The following WDR70 variants were observed in gnomAD, a reference collection of about 807,000 sequenced individuals.
WDR70 encodes the protein WD repeat domain 70, also known as WD repeat-containing protein 70.
Under a neutral mutation model 88.6 loss-of-function variants are expected in WDR70, and 53 were observed. The ratio of observed to expected loss-of-function variants is 0.60; its 90% CI spans 0.48 to 0.75. The LOEUF (loss-of-function observed/expected upper bound fraction) is 0.75. WDR70 is among the 30% of genes least tolerant of loss of function. The pLI is 0.00. For missense variants in WDR70, 610 were observed against 823.2 expected (o/e 0.74, Z 3.17); for synonymous variants, 280 against 270.0 (o/e 1.04, Z -0.36).
At chr5:37,557,957 A>ACTCTTTTGAAAACTCTTCAAGAGTACTCT in intron 9 of WDR70, among the ~76,000 whole-genome samples, 7 of 139,252 alleles carry the variant, frequency 5.0e-5, no homozygotes, top group Non-Finnish European at 8.0e-5. Flanking sequence ...TCAAAAGAGT[A>ACTCTTTTGAAAACTCTTCAAGAGTACTCT]TTATGTATAT....
intron 10 of WDR70, among the ~76,000 whole-genome samples, chr5:37,623,094 A>G (rs1297089237): frequency 6.6e-6 from 1 of 152,200 alleles, no homozygotes; most frequent in African/African-American, 2.4e-5. Flanking sequence ...ATTAAAGACC[A>G]ATCAATGCTA....
intron 14 of WDR70, 70 bp downstream of exon 14, chr5:37,721,285 C>A (rs1214462560): frequency 2.9e-6 from 4 of 1,365,688 alleles, no homozygotes; most frequent in East Asian, 2.3e-5. Context: ...CTCCCACCCC[C>A]GCTTTTATTT....
At chr5:37,744,922 G>A (rs187487213) in intron 17 of WDR70, among the ~76,000 whole-genome samples, 2 of 152,180 alleles carry the variant, frequency 1.3e-5, no homozygotes, top group African/African-American at 4.8e-5. Context: ...GCAAATTCAG[G>A]AAATACAGAG....
At chr5:37,685,556 T>G (rs1746565237) in intron 10 of WDR70, among the ~76,000 whole-genome samples, 1 of 152,060 alleles carries the variant, frequency 6.6e-6, no homozygotes, top group African/African-American at 2.4e-5. Context: ...CCCCATCTGA[T>G]GGGCAAGACT....
rs141873532 is a variant in WDR70 at position 37,738,326 on chromosome 5, T to C, written c.1877+11281T>C. Among the ~76,000 whole-genome samples, 8 of 152,308 alleles carry C rather than the reference T, an allele frequency of 5.3e-5. No individual in the cohort carries two copies. The East Asian group carries it at 1.5e-3, about 29-fold the overall frequency. On this transcript the variant is annotated intron_variant, in intron 17 of 17. Transcript: ENST00000265107. The stretch of plus-strand genomic sequence containing the variant: ...TTATACTCATGTGCTGATGACTAAG[T>C]AATGCAAGTGATTTCGCCTCATACT...
At chr5:37,704,698 A>C (rs991006724) in intron 13 of WDR70, among the ~76,000 whole-genome samples, 1 of 152,186 alleles carries the variant, frequency 6.6e-6, no homozygotes, top group East Asian at 1.9e-4. Context: ...CTGGCACATA[A>C]ATAGCTCTTA....
In WDR70 at chr5:37,382,866, A is replaced by G. The variant is rs1325744093; in HGVS notation, c.175+1181A>G. On this transcript the variant is annotated intron_variant, in intron 3 of 17. Transcript: ENST00000265107. ...CGTCTTGACTGAAAATAGAAAAACT[A>G]TCTGGGTGTGGTGTTGGGCCCCTGT... Among the ~76,000 whole-genome samples the G allele has an allele frequency of 1.3e-5, 2 of 151,986 alleles. 1 individual carries two copies. Among genetic ancestry groups the G allele is most frequent in the East Asian group, 3.9e-4 (2 of 5,096 alleles).
intron 7 of WDR70, 44 bp downstream of exon 7, chr5:37,443,416 C>G (rs6451319): frequency 6.2e-7 from 1 of 1,607,006 alleles, no homozygotes; most frequent in Admixed American, 1.7e-5. Flanking sequence ...GACCTAATGT[C>G]TTCACATTGG....
At chr5:37,468,649 G>T (rs1739233892) in intron 7 of WDR70, among the ~76,000 whole-genome samples, 1 of 151,878 alleles carries the variant, frequency 6.6e-6, no homozygotes, top group Non-Finnish European at 1.5e-5. Context: ...ATACATTATT[G>T]TTAACTATAT....
intron 10 of WDR70, among the ~76,000 whole-genome samples, chr5:37,643,355 A>C (rs1318061207): frequency 3.9e-5 from 6 of 151,966 alleles, no homozygotes; most frequent in Admixed American, 3.9e-4. Context: ...GTCTATTTTT[A>C]TGCCAGTACC....
intron 6 of WDR70, among the ~76,000 whole-genome samples, chr5:37,440,449 G>A (rs1313840721): frequency 2.6e-5 from 4 of 152,108 alleles, no homozygotes; most frequent in African/African-American, 7.2e-5. Flanking sequence ...AGGGGTAAGC[G>A]ATTCTCCTGC....
At chr5:37,393,527 CTT>C (rs2111891727) in intron 4 of WDR70, among the ~76,000 whole-genome samples, 1 of 151,772 alleles carries the variant, frequency 6.6e-6, no homozygotes, top group South Asian at 2.1e-4. Context: ...GTACTGTTTT[CTT>C]TGTTTTCCGT....
intron 10 of WDR70, among the ~76,000 whole-genome samples, chr5:37,613,846 C>T (rs1289485966): frequency 6.6e-6 from 1 of 152,126 alleles, no homozygotes; most frequent in Non-Finnish European, 1.5e-5. Flanking sequence ...AATTGACTTG[C>T]CTACTAAAAA....
chr5:37,657,814 C>A (rs556076582), intron 10 of WDR70, among the ~76,000 whole-genome samples: 2 of 152,162 alleles, frequency 1.3e-5, no homozygotes, highest in Non-Finnish European at 2.9e-5. Flanking sequence ...TATATTCTAA[C>A]CAAACAAGTC....
At chr5:37,619,652 T>G (rs1351959197) in intron 10 of WDR70, among the ~76,000 whole-genome samples, 1 of 152,166 alleles carries the variant, frequency 6.6e-6, no homozygotes, top group African/African-American at 2.4e-5. Context: ...TAACCTACTC[T>G]TTGATTCATT....
At chr5:37,531,621 C>T (rs1432378019) in intron 9 of WDR70, among the ~76,000 whole-genome samples, 16 of 111,532 alleles carry the variant, frequency 1.4e-4, no homozygotes, top group African/African-American at 5.3e-4. Context: ...TGATATAAGA[C>T]TAGCTACTCT....
chr5:37,450,659 A>AAG (rs1329523652), intron 7 of WDR70, among the ~76,000 whole-genome samples: 3 of 152,232 alleles, frequency 2.0e-5, no homozygotes, highest in Non-Finnish European at 4.4e-5. Flanking sequence ...ATTTAGCGTT[A>AAG]CAGAATTTTT....
intron 2 of WDR70, among the ~76,000 whole-genome samples, chr5:37,379,839 G>T (rs1414946008): frequency 6.6e-6 from 1 of 152,216 alleles, no homozygotes; most frequent in Non-Finnish European, 1.5e-5. Context: ...AACAGCATTT[G>T]TACGAGGATT....
At chr5:37,641,239 C>T (rs2112542039) in intron 10 of WDR70, among the ~76,000 whole-genome samples, 1 of 152,100 alleles carries the variant, frequency 6.6e-6, no homozygotes, top group East Asian at 1.9e-4. Flanking sequence ...CCTCAGCCTC[C>T]TGAGTAGCTG....
Sources: gnomAD v4.1 joint callset for allele counts (sites outside exome capture counted in the v4.1 genomes callset) on GRCh38, gnomAD v4.1.1 for gene constraint, MANE v1.5 for transcripts, NCBI Gene and HGNC (gene_info 2026-07-23, HGNC 2026-07-21) for gene names.